The following FARS2 variants were observed in gnomAD, a reference collection of about 807,000 sequenced individuals.
FARS2 encodes phenylalanyl-tRNA synthetase 2, mitochondrial, also known as phenylalanine--tRNA ligase, mitochondrial.
In FARS2, 40 loss-of-function variants were observed where a neutral mutation model predicts 46.4. That is an observed-to-expected ratio of 0.86 (90% CI 0.67 to 1.12). FARS2 has a LOEUF of 1.12. Among genes scored for constraint, FARS2 ranks in the 50% most tolerant of loss-of-function variants. The probability of loss-of-function intolerance (pLI) is 0.00; values close to 1 mark genes in which losing one functional copy is unlikely to be tolerated. For missense variants in FARS2, 513 were observed against 567.9 expected, an observed-to-expected ratio of 0.90 and a Z score of 0.98; for synonymous variants, 234 against 214.9, an observed-to-expected ratio of 1.09 and a Z score of -0.78.
chr6:5,715,820 T>C (rs1382451440), intron 6 of FARS2, among the ~76,000 whole-genome samples: 2 of 152,216 alleles, frequency 1.3e-5, no homozygotes, highest in African/African-American at 4.8e-5. Context: ...TTCTCTTGGG[T>C]GTATGCCTAG....
intron 5 of FARS2, among the ~76,000 whole-genome samples, chr6:5,567,729 G>A (rs1772403047): frequency 6.6e-6 from 1 of 152,220 alleles, no homozygotes; most frequent in Non-Finnish European, 1.5e-5. Flanking sequence ...ACGACATACA[G>A]TCAAATCCAT....
At chr6:5,668,373 G>A (rs967994737) in intron 6 of FARS2, among the ~76,000 whole-genome samples, 4 of 152,164 alleles carry the variant, frequency 2.6e-5, no homozygotes, top group African/African-American at 7.2e-5. Flanking sequence ...ATTCAAGCTC[G>A]GGAATGACTA....
chr6:5,348,464 G>A (rs981094101), intron 1 of FARS2, among the ~76,000 whole-genome samples: 2 of 56,860 alleles, frequency 3.5e-5, no homozygotes, highest in Admixed American at 3.6e-4. Context: ...CTGTGTACTT[G>A]TATGTTGTGT....
At chr6:5,705,351 T>C (rs1758677284) in intron 6 of FARS2, among the ~76,000 whole-genome samples, 2 of 152,114 alleles carry the variant, frequency 1.3e-5, no homozygotes, top group Admixed American at 6.5e-5. Flanking sequence ...ATTCCTCTGC[T>C]AAGTGGCAGC....
At chr6:5,328,872 A>T (rs1685801783) in intron 1 of FARS2, among the ~76,000 whole-genome samples, 1 of 152,082 alleles carries the variant, frequency 6.6e-6, no homozygotes, top group Non-Finnish European at 1.5e-5. Context: ...GTTATTTCGT[A>T]TTGCAGTTTG....
In FARS2 at chr6:5,613,224, A is replaced by T. The variant is rs1232669569; in HGVS notation, c.1121A>T (p.Glu374Val). 1 of 1,613,078 alleles carries T rather than the reference A, an allele frequency of 6.2e-7. No homozygotes were observed. Among genetic ancestry groups the T allele is most frequent in the Non-Finnish European group, 8.5e-7 (1 of 1,179,376 alleles). The change falls in exon 6 of 7, where the codon GAG (glutamate) becomes GTG (valine). Residue 374 changes from glutamate (E) to valine (V), a missense_variant. Physicochemically the swap from Glu to Val is moderately radical, Grantham distance 121. Transcript: ENST00000274680. The part of the protein sequence containing the change: ...INDISFWLPS[E>V]NYAENDFYDL... Reference sequence around the variant, plus strand: ...GATATTTCATTCTGGTTGCCCTCTGAGAATTACGCAGAAAATGATTTCTAT... The same window carrying T: ...GATATTTCATTCTGGTTGCCCTCTGTGAATTACGCAGAAAATGATTTCTAT...
At chr6:5,327,626 AT>A (rs1158660822) in intron 1 of FARS2, among the ~76,000 whole-genome samples, 3 of 152,194 alleles carry the variant, frequency 2.0e-5, no homozygotes, top group African/African-American at 7.2e-5. Flanking sequence ...CTCCCCAGAC[AT>A]GTGAAACTGT....
At chr6:5,324,932 A>G (rs911554936) in intron 1 of FARS2, among the ~76,000 whole-genome samples, 1 of 151,962 alleles carries the variant, frequency 6.6e-6, no homozygotes, top group South Asian at 2.1e-4. Flanking sequence ...GAGACATGCC[A>G]TCCCTGCCGC....
At chr6:5,254,444 T>C in the FARS2 span, among the ~76,000 whole-genome samples, 2 of 152,208 alleles carry the variant, frequency 1.3e-5, no homozygotes, top group Admixed American at 6.5e-5. Flanking sequence ...TTGTAATAGT[T>C]CCTATTTTGA....
intron 4 of FARS2, among the ~76,000 whole-genome samples, chr6:5,444,490 AAAAGAGAGAG>A (rs1764052085): frequency 5.2e-5 from 1 of 19,088 alleles, no homozygotes; most frequent in African/African-American, 2.0e-4. Flanking sequence ...AAAAAAAAAA[AAAAGAGAGAG>A]AGAGAGAGAG....
intron 6 of FARS2, among the ~76,000 whole-genome samples, chr6:5,618,561 A>G (rs1014713474): frequency 6.6e-6 from 1 of 152,240 alleles, no homozygotes; most frequent in African/African-American, 2.4e-5. Context: ...TCAGGGAGAC[A>G]TAAACTGCCG....
At position 5,368,951 on chromosome 6, in the gene FARS2, C is replaced by T; in HGVS notation, c.381C>T (p.Asp127=). The change falls in exon 2 of 7, where the codon GAC becomes GAT. Residue 127 remains aspartate (D), a synonymous_variant. Coordinates refer to ENST00000274680, the MANE Select transcript of FARS2 (RefSeq NM_006567.5). ...SPVVTTWQNF[D]SLLIPADHPS... ...TGGTCACGACCTGGCAGAACTTTGA[C>T]AGCCTGCTCATCCCAGCTGATCACC... The T allele has an allele frequency of 6.2e-7, 1 of 1,614,192 alleles. No homozygotes were observed. The highest frequency in any genetic ancestry group is 8.5e-7 in the Non-Finnish European group (1 of 1,180,028).
intron 4 of FARS2, among the ~76,000 whole-genome samples, chr6:5,448,090 G>A (rs139659449): frequency 1.3e-3 from 195 of 152,304 alleles, no homozygotes; most frequent in African/African-American, 3.9e-3. Context: ...ACAAAGAATC[G>A]CAGTGTGGTT....
intron 5 of FARS2, among the ~76,000 whole-genome samples, chr6:5,605,059 C>T (rs149592380): frequency 6.6e-6 from 1 of 152,340 alleles, no homozygotes; most frequent in African/African-American, 2.4e-5. Flanking sequence ...CATGTCGTGG[C>T]TGCTTTGTAG....
intron 1 of FARS2, among the ~76,000 whole-genome samples, chr6:5,341,669 C>T (rs754516561): frequency 2.0e-5 from 3 of 151,856 alleles, no homozygotes; most frequent in Non-Finnish European, 4.4e-5. Flanking sequence ...AAGGTTCCCA[C>T]CATCACACCC....
chr6:5,427,168 AATCAGGGAAATTAGC>A (rs1762900648), intron 3 of FARS2, among the ~76,000 whole-genome samples: 1 of 152,216 alleles, frequency 6.6e-6, no homozygotes, highest in South Asian at 2.1e-4. Flanking sequence ...GTGATGATCG[AATCAGGGAAATTAGC>A]ATATCCATCA....
intron 4 of FARS2, among the ~76,000 whole-genome samples, chr6:5,477,561 A>G (rs1766196327): frequency 6.6e-6 from 1 of 152,236 alleles, no homozygotes; most frequent in Non-Finnish European, 1.5e-5. Context: ...ACTGGCTCTG[A>G]AGTCAGACTG....
rs180817038 is a variant in FARS2 at position 5,580,449 on chromosome 6, G to A, written c.1066-32720G>A. 2.6e-4 allele frequency among the ~76,000 whole-genome samples: 40 copies of A among 152,214 alleles called. 1 individual carries two copies. In the East Asian group the frequency reaches 6.8e-3, roughly 26 times the overall value. ...TCTGAGGCATATTTATTATACTGTA[G>A]TCTGGTCAACCAGAAAAACAACCAC... On this transcript the variant is annotated intron_variant, in intron 5 of 6. Coordinates refer to ENST00000274680, the MANE Select transcript of FARS2 (RefSeq NM_006567.5).
At chr6:5,260,761 C>T (rs1765039310), upstream of FARS2, 3 of 1,539,560 alleles carry the variant, frequency 1.9e-6, no homozygotes, top group African/African-American at 1.4e-5. Flanking sequence ...ATAAACGGGT[C>T]CTCTTCGCCG....
Sources: allele counts gnomAD v4.1 joint callset (sites outside exome capture counted in the v4.1 genomes callset), GRCh38; gene constraint gnomAD v4.1.1; transcripts MANE v1.5; gene names NCBI Gene and HGNC (gene_info 2026-07-23, HGNC 2026-07-21).